The following NDUFS5 variants were observed in gnomAD, a reference collection of about 807,000 sequenced individuals.
NDUFS5 encodes the protein NADH:ubiquinone oxidoreductase subunit S5.
In NDUFS5, 7 loss-of-function variants were observed where a neutral mutation model predicts 10.5. The ratio of observed to expected loss-of-function variants is 0.66; its 90% confidence interval spans 0.38 to 1.25. The LOEUF is 1.25. Among genes scored for constraint, NDUFS5 ranks in the 50% most tolerant of loss-of-function variants. The probability of loss-of-function intolerance (pLI) is 0.02; values close to 1 mark genes in which losing one functional copy is unlikely to be tolerated. For synonymous variants in NDUFS5, 38 were observed against 44.0 expected, an observed-to-expected ratio of 0.86 and a Z score of 0.54; for missense variants, 148 against 140.7, an observed-to-expected ratio of 1.05 and a Z score of -0.26.
chr1:39,031,370 G>A (rs1310007586), intron 2 of NDUFS5, among the ~76,000 whole-genome samples: 3 of 151,920 alleles, frequency 2.0e-5, no homozygotes, highest in Admixed American at 6.6e-5. Flanking sequence ...GTGCAGTGGC[G>A]TGATCATAGC....
chr1:39,028,203 G>A (rs1031091729), intron 1 of NDUFS5, among the ~76,000 whole-genome samples: 7 of 149,944 alleles, frequency 4.7e-5, no homozygotes, highest in East Asian at 2.0e-4. Context: ...AGGCCAAGGC[G>A]GGCGGATCAC....
At chr1:39,027,797 CTTT>C (rs1473539408) in intron 1 of NDUFS5, among the ~76,000 whole-genome samples, 1 of 48,586 alleles carries the variant, frequency 2.1e-5, no homozygotes, top group African/African-American at 7.8e-5. Flanking sequence ...GATCCAAATT[CTTT>C]TTTTCTTCTT....
rs776540164 is a variant in NDUFS5, at chr1:39,027,811, C to CTTTTT, written c.-2-910_-2-909insTTTTT. Among the ~76,000 whole-genome samples the CTTTTT allele has an allele frequency of 1.0e-4, 6 of 58,636 alleles. 1 individual carries two copies. Among genetic ancestry groups the CTTTTT allele is most frequent in the Admixed American group, 2.4e-4 (1 of 4,120 alleles). The allele number at this position is 58,636 out of a possible 152,430, so 38.5% of individuals were successfully genotyped here. A position where few individuals can be genotyped will look rare whatever the true frequency, so the allele number is the denominator to read the frequency against. ...GGATCCAAATTCTTTTTTTCTTCTT[C>CTTTTT]TTCTTTTTTTTTTTTTTTTTTTTTT... On this transcript the variant is annotated intron_variant, in intron 1 of 2. Transcript: ENST00000372969.
At chr1:39,033,995 T>G (rs1644211371) in intron 2 of NDUFS5, among the ~76,000 whole-genome samples, 1 of 151,666 alleles carries the variant, frequency 6.6e-6, no homozygotes, top group South Asian at 2.1e-4. Flanking sequence ...GAAACAAGGT[T>G]TTACCTTGTT....
At chr1:39,032,880 G>A (rs1644198915) in intron 2 of NDUFS5, among the ~76,000 whole-genome samples, 1 of 152,206 alleles carries the variant, frequency 6.6e-6, no homozygotes. Context: ...TCCCTGAGCT[G>A]ACTGGAGGGA....
chr1:39,031,261 T>C (rs989921313), intron 2 of NDUFS5, among the ~76,000 whole-genome samples: 3 of 152,038 alleles, frequency 2.0e-5, no homozygotes, highest in Non-Finnish European at 4.4e-5. Flanking sequence ...CGATCCCACA[T>C]TGGCCTCCCA....
Position 39,028,720 on chromosome 1 carries a change from C to T in NDUFS5, c.-2-3C>T, listed in dbSNP as rs753032269. ...ACTTATTTTTTTAAATCTTCCATTA[C>T]AGCCATGCCTTTCTTGGACATCCAG... is the stretch of plus-strand genomic sequence containing the variant. On this transcript the variant is annotated splice_region_variant and splice_polypyrimidine_tract_variant and intron_variant, in intron 1 of 2. Coordinates refer to ENST00000372969, the MANE Select transcript of NDUFS5 (RefSeq NM_004552.3). 6.2e-7 allele frequency: 1 copy of T among 1,613,408 alleles called. No individual in the cohort carries two copies. Among genetic ancestry groups the T allele is most frequent in the East Asian group, 2.2e-5 (1 of 44,872 alleles).
chr1:39,034,283 A>C (rs1644213307), intron 2 of NDUFS5, 109 bp from the exon 3 acceptor site: 2 of 938,970 alleles, frequency 2.1e-6, no homozygotes, highest in South Asian at 2.8e-5. Flanking sequence ...CCGTAAGATG[A>C]AAGGCCTTTT....
rs760373747 is a variant in NDUFS5 at position 39,027,581 on chromosome 1, G to GTTTTTTTTTTTTTTTTTTTTTTTTTTT, written c.-2-1127_-2-1126insTTTTTTTTTTTTTTTTTTTTTTTTTTT. Among the ~76,000 whole-genome samples the GTTTTTTTTTTTTTTTTTTTTTTTTTTT allele has an allele frequency of 4.4e-5, 4 of 91,132 alleles. 1 individual carries two copies. Among genetic ancestry groups the GTTTTTTTTTTTTTTTTTTTTTTTTTTT allele is most frequent in the Non-Finnish European group, 6.6e-5 (3 of 45,280 alleles). The allele number at this position is 91,132 out of a possible 152,430, so 59.8% of individuals were successfully genotyped here. On this transcript the variant is annotated intron_variant, in intron 1 of 2. Coordinates refer to ENST00000372969, the MANE Select transcript of NDUFS5 (RefSeq NM_004552.3). ...GTCTTAACCCATTTCTTTCGCTCTG[G>GTTTTTTTTTTTTTTTTTTTTTTTTTTT]TTTTTTTTTTTTTTTGAGACAGGAT...
At position 39,028,765 on chromosome 1, in the gene NDUFS5, T is replaced by G; in HGVS notation, c.41T>G (p.Ile14Arg). 1 of 1,614,130 alleles carries G rather than the reference T, an allele frequency of 6.2e-7. No individual in the cohort carries two copies. The highest frequency in any genetic ancestry group is 2.2e-5 in the East Asian group (1 of 44,876). ...ATCCAGAAAAGGTTCGGCCTTAACATAGATCGATGGTTGACAATCCAGAGT... is the reference window on the plus strand; with the variant it reads ...ATCCAGAAAAGGTTCGGCCTTAACAGAGATCGATGGTTGACAATCCAGAGT... ...LDIQKRFGLN[I>R]DRWLTIQSGE... Residue 14 changes from isoleucine to arginine, a missense_variant, in exon 2 of 3, where the codon ATA (isoleucine) becomes AGA (arginine). Coordinates refer to ENST00000372969, the MANE Select transcript of NDUFS5 (RefSeq NM_004552.3).
At position 39,034,470 on chromosome 1, in the gene NDUFS5, A is replaced by T. The variant is rs763642673; in HGVS notation, c.295A>T (p.Ile99Phe). The change falls in exon 3 of 3, where the codon ATT becomes TTT. Residue 99 changes from isoleucine to phenylalanine, a missense_variant. Ile to Phe is a conservative substitution (Grantham distance 21). Coordinates refer to ENST00000372969, the MANE Select transcript of NDUFS5 (RefSeq NM_004552.3). ...AAAGTACACCCCTCCACCTCACCAC[A>T]TTGGCAAGGGGGAGCCTCGGCCCTG... ...EGKYTPPPHH[I>F]GKGEPRP The T allele has an allele frequency of 1.9e-6, 3 of 1,613,416 alleles. No homozygotes were observed. In the Admixed American group the frequency reaches 5.0e-5, roughly 27 times the overall value.
chr1:39,032,863 G>A (rs758806982), intron 2 of NDUFS5, among the ~76,000 whole-genome samples: 1 of 152,166 alleles, frequency 6.6e-6, no homozygotes, highest in Non-Finnish European at 1.5e-5. Context: ...AACAGCAAGT[G>A]CAAAGGTCCC....
intron 2 of NDUFS5, among the ~76,000 whole-genome samples, chr1:39,032,453 G>A (rs1037644526): frequency 1.3e-5 from 2 of 152,130 alleles, no homozygotes; most frequent in Admixed American, 1.3e-4. Flanking sequence ...TTTTTCTACT[G>A]AAGTTATATC....
In NDUFS5 at chr1:39,034,446, A is replaced by G. The variant is rs923782410; in HGVS notation, c.271A>G (p.Lys91Glu). ...KQRDKLIKEG[K>E]YTPPPHHIGK... is the part of the protein sequence containing the mutation. Reference sequence around the variant, plus strand: ...GCGGGATAAGCTGATAAAGGAAGGAAAGTACACCCCTCCACCTCACCACAT... The same window carrying G: ...GCGGGATAAGCTGATAAAGGAAGGAGAGTACACCCCTCCACCTCACCACAT... Residue 91 changes from lysine (K) to glutamate (E), a missense_variant, in exon 3 of 3, where the codon AAG becomes GAG. By Grantham distance (56) the Lys-to-Glu change is moderately conservative (BLOSUM62 1). Coordinates refer to ENST00000372969, the MANE Select transcript of NDUFS5 (RefSeq NM_004552.3). The G allele has an allele frequency of 4.3e-6, 7 of 1,613,732 alleles. No homozygotes were observed. The highest frequency in any genetic ancestry group is 5.9e-6 in the Non-Finnish European group (7 of 1,179,786).
chr1:39,034,307 G>A (rs1294746353), intron 2 of NDUFS5, 85 bp from the exon 3 acceptor site: 2 of 1,354,492 alleles, frequency 1.5e-6, no homozygotes, highest in Non-Finnish European at 2.1e-6. Flanking sequence ...GTTTAAAAAT[G>A]AAACCAAAAT....
intron 2 of NDUFS5, 148 bp downstream of exon 2, chr1:39,029,088 G>A (rs3768322): frequency 0.76 from 522,574 of 692,024 alleles, 205,885 homozygotes; most frequent in Non-Finnish European, 0.85. Context: ...TGCCTCCCAG[G>A]TTCAGGCGAT....
chr1:39,028,734 T>C lies in NDUFS5; in HGVS notation c.10T>C (p.Leu4=). The C allele has an allele frequency of 6.2e-7, 1 of 1,614,098 alleles. No homozygotes were observed. The highest frequency in any genetic ancestry group is 8.5e-7 in the Non-Finnish European group (1 of 1,179,960). The change falls in exon 2 of 3, where the codon TTG becomes CTG. Residue 4 remains leucine, a synonymous_variant. Transcript: ENST00000372969. MPF[L]DIQKRFGLNI... ...ATCTTCCATTACAGCCATGCCTTTC[T>C]TGGACATCCAGAAAAGGTTCGGCCT... is the stretch of plus-strand genomic sequence containing the variant.
At chr1:39,027,762 TTTGA>T (rs1211318974) in intron 1 of NDUFS5, among the ~76,000 whole-genome samples, 1 of 121,208 alleles carries the variant, frequency 8.3e-6, no homozygotes, top group African/African-American at 2.7e-5. Flanking sequence ...TTTTTTTTTT[TTTGA>T]GACAGAGAAC....
chr1:39,028,990 G>GAC, intron 2 of NDUFS5, 50 bp downstream of exon 2: 1 of 1,465,406 alleles, frequency 6.8e-7, no homozygotes, highest in Non-Finnish European at 9.2e-7. Context: ...GTTCCTTTGG[G>GAC]ACTCTTTTTT....
Sources: gnomAD v4.1 joint callset for allele counts (sites outside exome capture counted in the v4.1 genomes callset) on GRCh38, gnomAD v4.1.1 for gene constraint, MANE v1.5 for transcripts, NCBI Gene and HGNC (gene_info 2026-07-23, HGNC 2026-07-21) for gene names.